The following ARB2A variants were observed in gnomAD, a reference collection of about 807,000 sequenced individuals.
The protein encoded by ARB2A is ARB2 cotranscriptional regulator A, also known as cotranscriptional regulator ARB2A.
At chr5:93,924,091 C>T in the ARB2A span, among the ~76,000 whole-genome samples, 1 of 152,026 alleles carries the variant, frequency 6.6e-6, no homozygotes. Context: ...CTAGATAGAA[C>T]ACTATGAAGA....
chr5:94,001,451 A>G, the ARB2A span, among the ~76,000 whole-genome samples: 2 of 151,920 alleles, frequency 1.3e-5, no homozygotes, highest in Admixed American at 1.3e-4. Flanking sequence ...TTCATTATGC[A>G]TATTTACATC....
chr5:93,866,319 C>T, the ARB2A span: 2 of 974,162 alleles, frequency 2.1e-6, no homozygotes, highest in African/African-American at 3.5e-5. Flanking sequence ...TTATATTCTT[C>T]CCCTTAGTTC....
chr5:93,870,768 C>T, the ARB2A span, among the ~76,000 whole-genome samples: 1 of 152,192 alleles, frequency 6.6e-6, no homozygotes, highest in Non-Finnish European at 1.5e-5. Context: ...GCCAACTACA[C>T]ATAAATGTCA....
the ARB2A span, among the ~76,000 whole-genome samples, chr5:93,726,347 T>A: frequency 6.6e-6 from 1 of 151,982 alleles, no homozygotes; most frequent in Admixed American, 6.6e-5. Flanking sequence ...CTCATAGATA[T>A]GGGTACTGGC....
chr5:93,757,188 A>G, the ARB2A span, among the ~76,000 whole-genome samples: 1 of 152,152 alleles, frequency 6.6e-6, no homozygotes, highest in South Asian at 2.1e-4. Context: ...AGAAAAAAGA[A>G]TAAGAAAATA....
At chr5:93,760,931 C>T in the ARB2A span, among the ~76,000 whole-genome samples, 2 of 152,112 alleles carry the variant, frequency 1.3e-5, no homozygotes, top group Non-Finnish European at 2.9e-5. Flanking sequence ...AGCTTTTGTA[C>T]GGCAAAAGGA....
chr5:93,766,127 G>C, the ARB2A span, among the ~76,000 whole-genome samples: 30 of 152,058 alleles, frequency 2.0e-4, no homozygotes, highest in Non-Finnish European at 3.5e-4. Context: ...CATAGGCATG[G>C]GCAAGGACTT....
At chr5:93,859,071 G>T in the ARB2A span, among the ~76,000 whole-genome samples, 5 of 151,922 alleles carry the variant, frequency 3.3e-5, no homozygotes, top group Non-Finnish European at 2.9e-5. Flanking sequence ...GAAAGGAATA[G>T]AACAAAACCC....
At chr5:93,859,154 T>C in the ARB2A span, among the ~76,000 whole-genome samples, 2 of 152,186 alleles carry the variant, frequency 1.3e-5, no homozygotes, top group African/African-American at 2.4e-5. Context: ...AAAAAGAATG[T>C]ATTATTTTAA....
the ARB2A span, among the ~76,000 whole-genome samples, chr5:93,880,177 T>C: frequency 2.6e-5 from 4 of 151,862 alleles, no homozygotes; most frequent in African/African-American, 9.7e-5. Flanking sequence ...AATATTATAA[T>C]CTGCTTGATT....
At chr5:93,829,231 C>T in the ARB2A span, among the ~76,000 whole-genome samples, 1 of 152,146 alleles carries the variant, frequency 6.6e-6, no homozygotes, top group Non-Finnish European at 1.5e-5. Context: ...TCCCTTTTCC[C>T]CCTGAGAAGA....
the ARB2A span, among the ~76,000 whole-genome samples, chr5:93,872,159 G>T: frequency 2.6e-5 from 4 of 151,938 alleles, no homozygotes; most frequent in Admixed American, 2.6e-4. Context: ...TGTTGGCCAC[G>T]CTGGTCTTGA....
At chr5:94,040,855 A>G in the ARB2A span, among the ~76,000 whole-genome samples, 2 of 152,176 alleles carry the variant, frequency 1.3e-5, no homozygotes, top group Non-Finnish European at 1.5e-5. Context: ...GAACCTTGCC[A>G]GTTTGATATT....
the ARB2A span, among the ~76,000 whole-genome samples, chr5:93,874,236 T>G: frequency 2.0e-5 from 3 of 152,190 alleles, no homozygotes; most frequent in African/African-American, 7.2e-5. Context: ...CTAAAAGGCT[T>G]GAAAGCTCAT....
chr5:93,761,731 G>C, the ARB2A span, among the ~76,000 whole-genome samples: 1 of 152,210 alleles, frequency 6.6e-6, no homozygotes, highest in Non-Finnish European at 1.5e-5. Context: ...CATGCAGCTG[G>C]AGATCTGAGA....
the ARB2A span, among the ~76,000 whole-genome samples, chr5:93,865,106 C>T: frequency 3.8e-4 from 58 of 151,802 alleles, no homozygotes; most frequent in African/African-American, 1.1e-3. Context: ...TTTTTTGAGA[C>T]GGAGTCTCTC....
the ARB2A span, among the ~76,000 whole-genome samples, chr5:93,623,446 T>C: frequency 7.9e-5 from 12 of 152,174 alleles, no homozygotes; most frequent in African/African-American, 2.9e-4. Context: ...ATTCAATCTA[T>C]GAATCTAGAG....
the ARB2A span, among the ~76,000 whole-genome samples, chr5:93,889,626 T>C: frequency 6.6e-6 from 1 of 151,892 alleles, no homozygotes; most frequent in Non-Finnish European, 1.5e-5. Context: ...ATTAATAATT[T>C]ATATTGCTCA....
chr5:94,086,799 A>C, the ARB2A span, among the ~76,000 whole-genome samples: 2 of 152,142 alleles, frequency 1.3e-5, no homozygotes, highest in Non-Finnish European at 2.9e-5. Flanking sequence ...GTGATCCACA[A>C]GCCTCAGCCT....
Sources: gnomAD v4.1 joint callset for allele counts (sites outside exome capture counted in the v4.1 genomes callset) on GRCh38, gnomAD v4.1.1 for gene constraint, MANE v1.5 for transcripts, NCBI Gene and HGNC (gene_info 2026-07-23, HGNC 2026-07-21) for gene names.